The following PRDM2 variants were observed in gnomAD, a reference collection of about 807,000 sequenced individuals.
The protein encoded by PRDM2 is PR domain zinc finger protein 2.
Under a neutral mutation model 130.0 loss-of-function variants are expected in PRDM2, and 30 were observed. That is an observed-to-expected ratio of 0.23 (90% CI 0.17 to 0.31). The LOEUF (loss-of-function observed/expected upper bound fraction) is 0.31. Ranked by LOEUF, PRDM2 falls within the 10% of genes least tolerant of loss-of-function variation. PRDM2 has a pLI of 1.00. For missense variants in PRDM2, 2,011 were observed against 2,108.4 expected (o/e 0.95, Z 0.90); for synonymous variants, 871 against 782.4 (o/e 1.11, Z -1.89).
chr1:13,797,628 G>A (rs1644942658), intron 8 of PRDM2, among the ~76,000 whole-genome samples: 1 of 152,198 alleles, frequency 6.6e-6, no homozygotes, highest in African/African-American at 2.4e-5. Context: ...GTTAATTACA[G>A]CTTTAAATGC....
chr1:13,783,172 T>C (rs17346709), intron 8 of PRDM2: 15,393 of 535,780 alleles, frequency 0.029, 625 homozygotes, highest in South Asian at 0.12. Flanking sequence ...CTCAGTGTCA[T>C]GTGTCTTATT....
At position 13,782,642 on chromosome 1, in the gene PRDM2, A is replaced by G. The variant is rs1553162239; in HGVS notation, c.4847A>G (p.Gln1616Arg). 1 of 1,614,192 alleles carries G rather than the reference A, an allele frequency of 6.2e-7. No individual in the cohort carries two copies. Residue 1616 changes from glutamine to arginine, a missense_variant, in exon 8 of 10, where the codon CAG becomes CGG. Transcript: ENST00000311066. ...KTSRSLHVRV[Q>R]KSKAVLQSKS... ...TCACGGAGCCTGCACGTGAGGGTACAGAAAAGCAAAGCTGTTTTACAAAGC... is the reference window on the plus strand; with the variant it reads ...TCACGGAGCCTGCACGTGAGGGTACGGAAAAGCAAAGCTGTTTTACAAAGC...
chr1:13,711,806 T>C (rs1429018371), intron 1 of PRDM2, among the ~76,000 whole-genome samples: 9 of 152,018 alleles, frequency 5.9e-5, no homozygotes, highest in African/African-American at 2.2e-4. Context: ...TTTTAGCAAT[T>C]AGGATTTGGA....
chr1:13,774,936 C>A (rs1644441197), intron 7 of PRDM2, among the ~76,000 whole-genome samples: 1 of 151,484 alleles, frequency 6.6e-6, no homozygotes, highest in Admixed American at 6.6e-5. Flanking sequence ...CCACTGCACT[C>A]CAGCCTGGGC....
At chr1:13,819,441 C>T (rs1200176781) in intron 9 of PRDM2, among the ~76,000 whole-genome samples, 1 of 152,196 alleles carries the variant, frequency 6.6e-6, no homozygotes, top group East Asian at 1.9e-4. Context: ...TCACCAACAA[C>T]GAAGGCTCCA....
intron 8 of PRDM2, 79 bp downstream of exon 8, chr1:13,782,910 T>C: frequency 6.4e-7 from 1 of 1,567,872 alleles, no homozygotes; most frequent in Non-Finnish European, 8.6e-7. Flanking sequence ...TGGTTTCTTG[T>C]TGCTTTTTTT....
rs1644588185 is a variant in PRDM2 at position 13,780,659 on chromosome 1, C to T, written c.2864C>T (p.Ser955Phe). Residue 955 changes from serine (S) to phenylalanine (F), a missense_variant, in exon 8 of 10, where the codon TCC (serine) becomes TTC (phenylalanine). Ser to Phe is a radical substitution (Grantham distance 155). This residue lies in a region of PRDM2 where 1,288 missense variants were observed against 1,237.7 expected (regional missense o/e 1.04). Transcript: ENST00000311066. ...CPSSPALQTP[S>F]LSSGQLPPLL... ...TCATCACCTGCCCTGCAGACACCCTCCCTTTCATCCGGTCAGCTGCCTCCT... is the reference window on the plus strand; with the variant it reads ...TCATCACCTGCCCTGCAGACACCCTTCCTTTCATCCGGTCAGCTGCCTCCT... 1.2e-6 allele frequency: 2 copies of T among 1,612,454 alleles called. No homozygotes were observed. The highest frequency in any genetic ancestry group is 1.3e-5 in the African/African-American group (1 of 74,834).
intron 1 of PRDM2, among the ~76,000 whole-genome samples, chr1:13,714,859 G>C (rs762044668): frequency 3.3e-5 from 5 of 152,138 alleles, no homozygotes; most frequent in Non-Finnish European, 5.9e-5. Context: ...ATGACTCAAG[G>C]CATACGTTGC....
intron 4 of PRDM2, 138 bp downstream of exon 4, chr1:13,733,020 A>C (rs1196868053): frequency 1.5e-6 from 1 of 672,388 alleles, no homozygotes; most frequent in African/African-American, 1.9e-5. Context: ...ATTAAAGAGA[A>C]AATGTGTTTC....
chr1:13,720,240 A>G (rs938528584), intron 2 of PRDM2, among the ~76,000 whole-genome samples: 1 of 152,258 alleles, frequency 6.6e-6, no homozygotes, highest in Non-Finnish European at 1.5e-5. Flanking sequence ...TGTGTTGACC[A>G]TGTAAGATGG....
At position 13,780,557 on chromosome 1, in the gene PRDM2, C is replaced by T. The variant is rs368222843; in HGVS notation, c.2762C>T (p.Ala921Val). 15 of 1,614,046 alleles carry T rather than the reference C, an allele frequency of 9.3e-6. No homozygotes were observed. Among genetic ancestry groups the T allele is most frequent in the Non-Finnish European group, 1.3e-5 (15 of 1,180,030 alleles). The stretch of plus-strand genomic sequence containing the variant: ...CCAAGTCCTTGTAAATCCCTAGAAG[C>T]TCAGCCAGATCCTGACCTCGGTCCG... ...RSPSPCKSLE[A>V]QPDPDLGPGS... Residue 921 changes from alanine (A) to valine (V), a missense_variant, in exon 8 of 10, where the codon GCT becomes GTT. Ala to Val is a moderately conservative substitution (Grantham distance 64). Coordinates refer to ENST00000311066, the MANE Select transcript of PRDM2 (RefSeq NM_001393986.1).
intron 9 of PRDM2, among the ~76,000 whole-genome samples, chr1:13,818,916 A>G (rs925668348): frequency 6.6e-6 from 1 of 152,276 alleles, no homozygotes; most frequent in Non-Finnish European, 1.5e-5. Flanking sequence ...AAGATAGTAC[A>G]GAGCTGGGAG....
chr1:13,818,735 C>A (rs1039359120), intron 9 of PRDM2, among the ~76,000 whole-genome samples: 1 of 151,984 alleles, frequency 6.6e-6, no homozygotes, highest in Non-Finnish European at 1.5e-5. Flanking sequence ...TGGCTTTATT[C>A]CTCTGGGGTT....
chr1:13,717,366 G>A (rs892851302), intron 2 of PRDM2: 3 of 978,918 alleles, frequency 3.1e-6, no homozygotes, highest in African/African-American at 3.5e-5. Context: ...AAGGAGCTCG[G>A]TTCTCTGCAG....
chr1:13,799,711 G>A (rs989812993), intron 8 of PRDM2, among the ~76,000 whole-genome samples: 7 of 152,172 alleles, frequency 4.6e-5, no homozygotes, highest in African/African-American at 1.7e-4. Flanking sequence ...AAGGTCAGTT[G>A]CATTTGTTCC....
chr1:13,705,428 C>T (rs1642177775), intron 1 of PRDM2: 1 of 152,118 alleles, frequency 6.6e-6, no homozygotes, highest in East Asian at 1.9e-4. Flanking sequence ...TTTGACCTTC[C>T]CTCCACTCTT....
chr1:13,821,085 G>C (rs1645343188), intron 9 of PRDM2, among the ~76,000 whole-genome samples: 1 of 152,032 alleles, frequency 6.6e-6, no homozygotes, highest in Non-Finnish European at 1.5e-5. Flanking sequence ...GTAGTGGTTA[G>C]GTGCACAGTG....
At chr1:13,701,221 C>T (rs1216439709) in intron 1 of PRDM2, among the ~76,000 whole-genome samples, 2 of 151,360 alleles carry the variant, frequency 1.3e-5, no homozygotes, top group Non-Finnish European at 2.9e-5. Flanking sequence ...GTATTTGAGA[C>T]GTGGAACGTC....
chr1:13,729,739 A>G (rs1643041273), intron 2 of PRDM2, among the ~76,000 whole-genome samples: 1 of 152,140 alleles, frequency 6.6e-6, no homozygotes, highest in Admixed American at 6.5e-5. Flanking sequence ...GCAGGAACAA[A>G]GCATTTGTGT....
Sources: allele counts gnomAD v4.1 joint callset (sites outside exome capture counted in the v4.1 genomes callset), GRCh38; gene constraint gnomAD v4.1.1; regional missense constraint gnomAD v4.1.1; transcripts MANE v1.5; gene names NCBI Gene and HGNC (gene_info 2026-07-23, HGNC 2026-07-21).